Variants in METTL15 observed in about 807,000 individuals in gnomAD.
METTL15 encodes methyltransferase 15, mitochondrial 12S rRNA N4-cytidine.
METTL15 carries 34 observed loss-of-function variants against 38.3 expected under a neutral mutation model. The ratio of observed to expected loss-of-function variants is 0.89; its 90% CI spans 0.68 to 1.18. The LOEUF is 1.18. Among genes scored for constraint, METTL15 ranks in the 50% most tolerant of loss-of-function variants. METTL15 has a pLI of 0.00. For synonymous variants in METTL15, 162 were observed against 170.9 expected, an observed-to-expected ratio of 0.95 and a Z score of 0.41; for missense variants, 438 against 498.4, an observed-to-expected ratio of 0.88 and a Z score of 1.15.
At chr11:28,164,226 A>G (rs1850576268) in intron 3 of METTL15, 2 of 152,206 alleles carry the variant, frequency 1.3e-5, no homozygotes, top group South Asian at 4.1e-4. Flanking sequence ...TTGTGAACAA[A>G]ATGATTACTT....
chr11:28,297,025 G>T, intron 6 of METTL15, 94 bp downstream of exon 6: 2 of 1,282,780 alleles, frequency 1.6e-6, no homozygotes, highest in East Asian at 4.7e-5. Context: ...ACATGTGTGT[G>T]TGCATTAATC....
chr11:28,117,437 G>A (rs1852025028), intron 3 of METTL15, among the ~76,000 whole-genome samples: 2 of 151,986 alleles, frequency 1.3e-5, no homozygotes, highest in African/African-American at 4.8e-5. Context: ...GTTGCACTAA[G>A]CCATGGAGTA....
chr11:28,160,423 C>T (rs1348067075), intron 3 of METTL15, among the ~76,000 whole-genome samples: 1 of 151,962 alleles, frequency 6.6e-6, no homozygotes, highest in African/African-American at 2.4e-5. Context: ...TTATGTAAAA[C>T]AATAGGATTC....
At chr11:28,469,279 C>T (rs968799513) in intron 6 of METTL15, among the ~76,000 whole-genome samples, 4 of 151,806 alleles carry the variant, frequency 2.6e-5, no homozygotes, top group Non-Finnish European at 4.4e-5. Context: ...CAGTTATGAT[C>T]GACAAGTAAG....
intron 5 of METTL15, among the ~76,000 whole-genome samples, chr11:28,390,925 C>T (rs1334781136): frequency 3.3e-5 from 5 of 152,062 alleles, no homozygotes; most frequent in South Asian, 2.1e-4. Context: ...TTTGTAGTTC[C>T]CCTTGAAGAG....
At chr11:28,269,782 G>A (rs1012290452) in intron 4 of METTL15, among the ~76,000 whole-genome samples, 2 of 152,186 alleles carry the variant, frequency 1.3e-5, no homozygotes, top group Non-Finnish European at 2.9e-5. Context: ...ATTAAAATAT[G>A]TGCTGTGCAT....
intron 6 of METTL15, among the ~76,000 whole-genome samples, chr11:28,299,184 T>C (rs150016549): frequency 1.1e-3 from 174 of 152,278 alleles, no homozygotes; most frequent in African/African-American, 4.0e-3. Flanking sequence ...TGCAGTTCCA[T>C]GAAGTTGATT....
intron 6 of METTL15, among the ~76,000 whole-genome samples, chr11:28,444,145 A>T (rs1851057102): frequency 6.6e-6 from 1 of 152,144 alleles, no homozygotes; most frequent in Admixed American, 6.5e-5. Flanking sequence ...TATTGTTAAT[A>T]ACACTGTAAA....
chr11:28,352,676 C>T (rs1850052094), intron 4 of METTL15, among the ~76,000 whole-genome samples: 1 of 152,098 alleles, frequency 6.6e-6, no homozygotes, highest in Non-Finnish European at 1.5e-5. Flanking sequence ...CTGATTTCTC[C>T]CAGTACCTCA....
chr11:28,194,160 C>CTTTCTT (rs1487295350), intron 3 of METTL15, among the ~76,000 whole-genome samples: 1 of 103,372 alleles, frequency 9.7e-6, no homozygotes, highest in African/African-American at 3.8e-5. Flanking sequence ...TTCTTTCTTT[C>CTTTCTT]TTTCTTTCTT....
chr11:28,398,386 G>T (rs1336436115), intron 5 of METTL15, among the ~76,000 whole-genome samples: 1 of 152,028 alleles, frequency 6.6e-6, no homozygotes, highest in Non-Finnish European at 1.5e-5. Flanking sequence ...GGCATGAGAT[G>T]ATATCTCACT....
chr11:28,287,949 A>T (rs1856351161), intron 4 of METTL15, among the ~76,000 whole-genome samples: 1 of 149,258 alleles, frequency 6.7e-6, no homozygotes, highest in African/African-American at 2.5e-5. Context: ...TGCAACCCCT[A>T]TGTGACCCTG....
At chr11:28,311,286 T>C (rs1263476779) in intron 6 of METTL15, among the ~76,000 whole-genome samples, 1 of 152,208 alleles carries the variant, frequency 6.6e-6, no homozygotes, top group Non-Finnish European at 1.5e-5. Flanking sequence ...AATTATCAAT[T>C]TTGGAAATGT....
chr11:28,359,851 G>A (rs953407368), intron 4 of METTL15, among the ~76,000 whole-genome samples: 4 of 152,146 alleles, frequency 2.6e-5, no homozygotes, highest in African/African-American at 9.7e-5. Context: ...AATTATATGA[G>A]TTGTTTATAT....
intron 4 of METTL15, among the ~76,000 whole-genome samples, chr11:28,237,705 G>C (rs1854069015): frequency 6.6e-6 from 1 of 152,150 alleles, no homozygotes; most frequent in Non-Finnish European, 1.5e-5. Flanking sequence ...CACTTTTTCT[G>C]CTCTGTTTTT....
intron 6 of METTL15, among the ~76,000 whole-genome samples, chr11:28,509,352 G>C (rs1389560836): frequency 1.3e-5 from 2 of 152,144 alleles, no homozygotes; most frequent in Non-Finnish European, 2.9e-5. Flanking sequence ...CCAGCATAGT[G>C]CTTAGCACAA....
chr11:28,262,439 G>A (rs957340017), intron 4 of METTL15, among the ~76,000 whole-genome samples: 3 of 151,284 alleles, frequency 2.0e-5, no homozygotes, highest in Admixed American at 6.6e-5. Flanking sequence ...TACTTTCATA[G>A]TCATAGTTAC....
At chr11:28,306,751 A>AT (rs1449163355) in intron 6 of METTL15, among the ~76,000 whole-genome samples, 2 of 152,142 alleles carry the variant, frequency 1.3e-5, no homozygotes, top group African/African-American at 4.8e-5. Context: ...AGAATTCCCA[A>AT]TTTTAATGGA....
intron 6 of METTL15, among the ~76,000 whole-genome samples, chr11:28,445,647 T>A (rs1314022671): frequency 1.3e-5 from 2 of 152,074 alleles, no homozygotes; most frequent in Non-Finnish European, 2.9e-5. Context: ...TATAAACCAG[T>A]TATTATATTT....
Sources: gnomAD v4.1 joint callset for allele counts (sites outside exome capture counted in the v4.1 genomes callset) on GRCh38, gnomAD v4.1.1 for gene constraint, MANE v1.5 for transcripts, NCBI Gene and HGNC (gene_info 2026-07-23, HGNC 2026-07-21) for gene names.